IRAG2: variants seen among roughly 807,000 people sequenced by gnomAD.
IRAG2 encodes the protein inositol 1,4,5-triphosphate receptor associated 2, also known as lymphoid restricted membrane protein.
Under a neutral mutation model 69.9 loss-of-function variants are expected in IRAG2, and 45 were observed. The ratio of observed to expected loss-of-function variants is 0.64; its 90% CI spans 0.51 to 0.83. The LOEUF is 0.83. IRAG2 is among the 40% of genes least tolerant of loss of function. The probability of loss-of-function intolerance (pLI) is 0.00; values close to 1 mark genes in which losing one functional copy is unlikely to be tolerated. For missense variants in IRAG2, 520 were observed against 587.0 expected (o/e 0.89, Z 1.18); for synonymous variants, 193 against 202.4 (o/e 0.95, Z 0.40).
intron 5 of IRAG2, among the ~76,000 whole-genome samples, 153 bp downstream of exon 5, chr12:25,066,665 CTT>C (rs781555051): frequency 1.1e-4 from 15 of 141,980 alleles, no homozygotes; most frequent in South Asian, 2.2e-4. Context: ...TTCTTTCTTT[CTT>C]TTTTTTTTTT....
intron 1 of IRAG2, among the ~76,000 whole-genome samples, chr12:25,056,762 G>C (rs1945281405): frequency 1.3e-5 from 2 of 152,186 alleles, no homozygotes; most frequent in Admixed American, 6.5e-5. Context: ...CTTGGATCTG[G>C]ATTGGTAGGA....
chr12:25,088,549 G>C (rs1293617843), intron 11 of IRAG2, among the ~76,000 whole-genome samples: 1 of 152,140 alleles, frequency 6.6e-6, no homozygotes, highest in African/African-American at 2.4e-5. Context: ...TAGAGTTCAG[G>C]CTTTGGAGTC....
chr12:25,030,238 C>T (rs1944658240), intron 9 of IRAG2: 2 of 1,203,020 alleles, frequency 1.7e-6, no homozygotes, highest in Non-Finnish European at 2.1e-6. Context: ...TTTACCAAAG[C>T]AATGTCCCAA....
At chr12:25,081,996 A>G (rs1476319607) in intron 9 of IRAG2, among the ~76,000 whole-genome samples, 1 of 152,156 alleles carries the variant, frequency 6.6e-6, no homozygotes, top group East Asian at 1.9e-4. Flanking sequence ...CTGGGCTCAC[A>G]TGATCCTCCT....
chr12:25,091,672 A>G (rs539106063), intron 14 of IRAG2, among the ~76,000 whole-genome samples: 1 of 152,266 alleles, frequency 6.6e-6, no homozygotes, highest in South Asian at 2.1e-4. Flanking sequence ...TTAATTTTTT[A>G]GAAACCACTG....
At chr12:25,052,377 T>G (rs1002937303), upstream of IRAG2, 1 of 398,326 alleles carries the variant, frequency 2.5e-6, no homozygotes, top group African/African-American at 2.1e-5. Context: ...TACATTAGAT[T>G]CAGGGGACAT....
chr12:25,002,886 C>T (rs931053823), upstream of IRAG2, among the ~76,000 whole-genome samples: 2 of 152,202 alleles, frequency 1.3e-5, no homozygotes, highest in African/African-American at 4.8e-5. Context: ...AGGTGATTCA[C>T]TCACCTTAGC....
intron 16 of IRAG2, among the ~76,000 whole-genome samples, chr12:25,045,934 C>G (rs1361363565): frequency 6.6e-6 from 1 of 150,456 alleles, no homozygotes; most frequent in Non-Finnish European, 1.5e-5. Context: ...GATACCAAAG[C>G]TAGGCCAGTA....
intron 11 of IRAG2, among the ~76,000 whole-genome samples, 157 bp from the exon 12 acceptor site, chr12:25,089,457 T>G (rs1355886662): frequency 1.3e-5 from 2 of 152,250 alleles, no homozygotes; most frequent in Non-Finnish European, 2.9e-5. Flanking sequence ...TAGCTTAGCA[T>G]AACATTATAA....
At chr12:25,081,337 A>G (rs1592039210) in intron 9 of IRAG2, among the ~76,000 whole-genome samples, 1 of 152,046 alleles carries the variant, frequency 6.6e-6, no homozygotes, top group Admixed American at 6.5e-5. Flanking sequence ...GGTGGCGGGC[A>G]CCTGTAGTCC....
upstream of IRAG2, among the ~76,000 whole-genome samples, chr12:25,000,589 C>T (rs986502212): frequency 2.0e-5 from 3 of 152,314 alleles, no homozygotes; most frequent in South Asian, 2.1e-4. Flanking sequence ...TGAATAGCCA[C>T]GGCTCTACAG....
At chr12:25,106,024 G>GTCAA (rs906404712) in intron 20 of IRAG2, among the ~76,000 whole-genome samples, 35 of 152,014 alleles carry the variant, frequency 2.3e-4, no homozygotes, top group Non-Finnish European at 4.7e-4. Context: ...TTAAAATGCA[G>GTCAA]TCAATCAATT....
chr12:25,075,632 C>T (rs1361494012), intron 6 of IRAG2: 1 of 151,544 alleles, frequency 6.6e-6, no homozygotes, highest in Non-Finnish European at 1.5e-5. Flanking sequence ...ACTTTTGCTA[C>T]CCCACCCTAC....
upstream of IRAG2, among the ~76,000 whole-genome samples, chr12:25,047,731 G>A (rs1251721928): frequency 6.6e-6 from 1 of 152,142 alleles, no homozygotes; most frequent in African/African-American, 2.4e-5. Flanking sequence ...CTGTTCCTGT[G>A]TTAGTTTGCT....
At chr12:25,067,844 T>C (rs1042565871) in intron 5 of IRAG2, among the ~76,000 whole-genome samples, 1 of 151,872 alleles carries the variant, frequency 6.6e-6, no homozygotes, top group Admixed American at 6.6e-5. Context: ...ATTTTTGTTT[T>C]TTTGTTTGTT....
intron 1 of IRAG2, among the ~76,000 whole-genome samples, chr12:25,054,562 C>T (rs777297273): frequency 8.5e-5 from 13 of 152,286 alleles, no homozygotes; most frequent in Middle Eastern, 3.4e-3. Flanking sequence ...TTTATCTTCA[C>T]GGCCCAATAG....
At chr12:25,011,573 T>A in intron 3 of IRAG2, 2 of 1,214,056 alleles carry the variant, frequency 1.6e-6, no homozygotes, top group African/African-American at 1.6e-5. Context: ...CCTAGTGGGA[T>A]GCAGTTTAAG....
chr12:25,052,804 G>A lies in IRAG2; in HGVS notation c.-599G>A, dbSNP rs1944923592. On this transcript the variant is annotated 5_prime_UTR_variant, in exon 1 of 22. Transcript: ENST00000556887. ...ACTATCCATGTCCAGGGTAAGGATCGAGATCGAGAAGCCCACACTGCCAGT... is the reference window on the plus strand; with the variant it reads ...ACTATCCATGTCCAGGGTAAGGATCAAGATCGAGAAGCCCACACTGCCAGT... 2 of 398,476 alleles carry A rather than the reference G, an allele frequency of 5.0e-6. No individual in the cohort carries two copies. The highest frequency in any genetic ancestry group is 4.4e-5 in the Admixed American group (1 of 22,710). 24.7% of individuals were successfully genotyped at this position (398,476 alleles called of 1,614,324 possible). A position where few individuals can be genotyped will look rare whatever the true frequency, so the allele number is the denominator to read the frequency against.
chr12:25,003,746 C>T (rs894737881), upstream of IRAG2, among the ~76,000 whole-genome samples: 2 of 152,046 alleles, frequency 1.3e-5, no homozygotes, highest in Admixed American at 1.3e-4. Context: ...AGGATATTTC[C>T]ACACAGCTGA....
Sources: gnomAD v4.1 joint callset for allele counts (sites outside exome capture counted in the v4.1 genomes callset) on GRCh38, gnomAD v4.1.1 for gene constraint, MANE v1.5 for transcripts, NCBI Gene and HGNC (gene_info 2026-07-23, HGNC 2026-07-21) for gene names.